Variants in FLNC observed in about 807,000 individuals in gnomAD.
The protein encoded by FLNC is filamin-C.
FLNC carries 91 observed loss-of-function variants against 254.3 expected under a neutral mutation model. The ratio of observed to expected loss-of-function variants is 0.36; its 90% confidence interval spans 0.30 to 0.43. The LOEUF (loss-of-function observed/expected upper bound fraction) is 0.43. Ranked by LOEUF, FLNC falls within the 20% of genes least tolerant of loss-of-function variation. FLNC has a pLI of 1.00. For missense variants in FLNC, 2,853 were observed against 3,802.6 expected (o/e 0.75, Z 6.57); for synonymous variants, 1,430 against 1,577.2 (o/e 0.91, Z 2.21).
At chr7:128,855,451 G>A (rs1395666670) in intron 43 of FLNC, 137 bp downstream of exon 43, 6 of 701,826 alleles carry the variant, frequency 8.5e-6, no homozygotes, top group Admixed American at 4.1e-5. Context: ...CATAAGGCAC[G>A]AGGCAGGGCC....
In FLNC at chr7:128,849,511, C is replaced by T. The variant is rs748879903; in HGVS notation, c.5132C>T (p.Pro1711Leu). 60 of 1,614,078 alleles carry T rather than the reference C, an allele frequency of 3.7e-5. No homozygotes were observed. Among genetic ancestry groups the T allele is most frequent in the East Asian group, 6.7e-5 (3 of 44,898 alleles). Residue 1711 changes from proline to leucine, a missense_variant, in exon 30 of 48, where the codon CCG (proline) becomes CTG (leucine). Pro to Leu is a moderately conservative substitution (Grantham distance 98, BLOSUM62 -3). Transcript: ENST00000325888. ...TFDIYYTAPEPGKYVITIRFG... is the reference protein window; with the variant it reads ...TFDIYYTAPELGKYVITIRFG... Reference sequence around the variant, plus strand: ...GACATCTACTACACAGCGCCCGAGCCGGGCAAGTACGTCATCACCATCCGC... The same window carrying T: ...GACATCTACTACACAGCGCCCGAGCTGGGCAAGTACGTCATCACCATCCGC...
At chr7:128,831,814 G>A (rs1165917560) in intron 1 of FLNC, among the ~76,000 whole-genome samples, 1 of 152,050 alleles carries the variant, frequency 6.6e-6, no homozygotes, top group Non-Finnish European at 1.5e-5. Context: ...CAGGGTGGGG[G>A]CGGGGAGGCA....
At position 128,844,687 on chromosome 7, in the gene FLNC, TG is replaced by T; in HGVS notation, c.3224del (p.Gly1075AspfsTer3). 1 of 1,612,802 alleles carries T rather than the reference TG, an allele frequency of 6.2e-7. No homozygotes were observed. The highest frequency in any genetic ancestry group is 2.2e-5 in the East Asian group (1 of 44,866). ...GTGCTTATGGCCCGGGTCTCAAGGGTGGACTGGTAGGCACCCCCGCGCCATT... is the reference window on the plus strand; with the variant it reads ...GTGCTTATGGCCCGGGTCTCAAGGGTGACTGGTAGGCACCCCCGCGCCATT... The part of the protein sequence containing the change: ...VCAYGPGLKG[G>X]LVGTPAPFSI... On this transcript the variant is annotated frameshift_variant, in exon 21 of 48. Transcript: ENST00000325888. LOFTEE classifies it high-confidence loss of function.
Position 128,830,869 on chromosome 7 carries a change from A to C in FLNC, c.232A>C (p.Ser78Arg), listed in dbSNP as rs746082496. 1.2e-6 allele frequency: 2 copies of C among 1,613,056 alleles called. No individual in the cohort carries two copies. Among genetic ancestry groups the C allele is most frequent in the African/African-American group, 1.3e-5 (1 of 74,928 alleles). Residue 78 changes from serine (S) to arginine (R), a missense_variant, in exon 1 of 48, where the codon AGC (serine) becomes CGC (arginine). Ser to Arg is a moderately radical substitution (Grantham distance 110). Coordinates refer to ENST00000325888, the MANE Select transcript of FLNC (RefSeq NM_001458.5). ...LRLIALLEVL[S>R]QKRMYRKFHP... ...GCTCATCGCGCTGCTCGAGGTGCTC[A>C]GCCAGAAGCGCATGTACCGCAAGTT...
chr7:128,844,582 T>G, intron 20 of FLNC, 76 bp from the exon 21 acceptor site: 5 of 1,319,902 alleles, frequency 3.8e-6, no homozygotes, highest in Non-Finnish European at 4.3e-6. Flanking sequence ...TTGGAGGTGA[T>G]GAGTTGGGTG....
In FLNC at chr7:128,854,475, G is replaced by GCAGAGA; in HGVS notation, c.6791_6796dup (p.Glu2265_Ile2266insThrGlu). Reference sequence around the variant, plus strand: ...CAGCCCATCGGGCAAGGTGGAAGCCGCAGAGATCGTCGAGGGCGAGGACAG... The same window carrying GCAGAGA: ...CAGCCCATCGGGCAAGGTGGAAGCCGCAGAGACAGAGATCGTCGAGGGCGAGGACAG... On this transcript the variant is annotated inframe_insertion, in exon 41 of 48. Transcript: ENST00000325888. 1 of 1,608,330 alleles carries GCAGAGA rather than the reference G, an allele frequency of 6.2e-7. No homozygotes were observed. The highest frequency in any genetic ancestry group is 8.5e-7 in the Non-Finnish European group (1 of 1,177,826).
chr7:128,853,387 G>A, intron 37 of FLNC, 82 bp from the exon 38 acceptor site: 1 of 1,557,666 alleles, frequency 6.4e-7, no homozygotes, highest in Non-Finnish European at 8.8e-7. Flanking sequence ...ATTCTGGGTG[G>A]AGCCTGCAGT....
At chr7:128,852,779 C>T in intron 36 of FLNC, 27 bp downstream of exon 36, 1 of 1,613,478 alleles carries the variant, frequency 6.2e-7, no homozygotes, top group South Asian at 1.1e-5. Context: ...ACGGGGACCT[C>T]AGGGGTGGGG....
chr7:128,843,604 G>A (rs779309552), intron 18 of FLNC, 27 bp downstream of exon 18: 126 of 1,612,564 alleles, frequency 7.8e-5, no homozygotes, highest in African/African-American at 2.0e-4. Flanking sequence ...CCATGCTACC[G>A]CCCGGCCGGC....
In FLNC at chr7:128,849,956, C is replaced by T. The variant is rs768051050; in HGVS notation, c.5200-20C>T. 5 of 1,546,114 alleles carry T rather than the reference C, an allele frequency of 3.2e-6. No homozygotes were observed. The highest frequency in any genetic ancestry group is 1.7e-5 in the Admixed American group (1 of 57,192). On this transcript the variant is annotated intron_variant, in intron 30 of 47. Coordinates refer to ENST00000325888, the MANE Select transcript of FLNC (RefSeq NM_001458.5). ...CTGTGAGGCTGCCACACCCTGTGCC[C>T]CCGTGCCTTGCCTCCCCAGGCGTGT...
At position 128,849,509 on chromosome 7, in the gene FLNC, G is replaced by C; in HGVS notation, c.5130G>C (p.Glu1710Asp). ...TTGACATCTACTACACAGCGCCCGA[G>C]CCGGGCAAGTACGTCATCACCATCC... ...GTFDIYYTAPEPGKYVITIRF... is the reference protein window; with the variant it reads ...GTFDIYYTAPDPGKYVITIRF... Residue 1710 changes from glutamate (E) to aspartate (D), a missense_variant, in exon 30 of 48, where the codon GAG (glutamate) becomes GAC (aspartate). Transcript: ENST00000325888. 6.2e-7 allele frequency: 1 copy of C among 1,614,220 alleles called. No homozygotes were observed. Among genetic ancestry groups the C allele is most frequent in the Non-Finnish European group, 8.5e-7 (1 of 1,180,032 alleles).
chr7:128,832,140 T>C (rs1020959581), intron 1 of FLNC, among the ~76,000 whole-genome samples: 1 of 152,138 alleles, frequency 6.6e-6, no homozygotes, highest in African/African-American at 2.4e-5. Flanking sequence ...CCTCCTGATA[T>C]AGCAGCTGAG....
Position 128,830,448 on chromosome 7 carries a change from C to T in FLNC, c.-190C>T. The T allele has an allele frequency of 1.6e-6, 1 of 606,784 alleles. No individual in the cohort carries two copies. Among genetic ancestry groups the T allele is most frequent in the Non-Finnish European group, 2.9e-6 (1 of 344,200 alleles). The allele number at this position is 606,784 out of a possible 1,614,324, so 37.6% of individuals were successfully genotyped here. Reference sequence around the variant, plus strand: ...CTCCGGCCCTGGAGGGAGAGAGAGCCAGAGAGCGGCCGAGCGCCTAGGAGG... The same window carrying T: ...CTCCGGCCCTGGAGGGAGAGAGAGCTAGAGAGCGGCCGAGCGCCTAGGAGG... On this transcript the variant is annotated 5_prime_UTR_variant, in exon 1 of 48. Coordinates refer to ENST00000325888, the MANE Select transcript of FLNC (RefSeq NM_001458.5).
Position 128,856,366 on chromosome 7 carries a change from C to T in FLNC, c.7252-152C>T. Reference sequence around the variant, plus strand: ...ATACCGGACCCTGGCTCCTCCTGCTCCCAGGCTGGGCTGGCAGGCAGGGGC... The same window carrying T: ...ATACCGGACCCTGGCTCCTCCTGCTTCCAGGCTGGGCTGGCAGGCAGGGGC... On this transcript the variant is annotated intron_variant, in intron 43 of 47. Coordinates refer to ENST00000325888, the MANE Select transcript of FLNC (RefSeq NM_001458.5). This position sits in a 1 kb window ranked among gnomAD's most constrained non-coding sequence, Gnocchi z 5.9. 1.1e-6 allele frequency: 1 copy of T among 950,036 alleles called. No homozygotes were observed. The highest frequency in any genetic ancestry group is 1.4e-5 in the South Asian group (1 of 70,626). 58.9% of individuals were successfully genotyped at this position (950,036 alleles called of 1,614,324 possible).
chr7:128,832,498 GAAA>G (rs1807933117), intron 1 of FLNC, among the ~76,000 whole-genome samples: 1 of 152,202 alleles, frequency 6.6e-6, no homozygotes, highest in Admixed American at 6.5e-5. Flanking sequence ...AGACATATAG[GAAA>G]CCGCTCAGCC....
At chr7:128,843,707 GGATCT>G in intron 18 of FLNC, 84 bp from the exon 19 acceptor site, 5 of 1,494,694 alleles carry the variant, frequency 3.3e-6, no homozygotes, top group Non-Finnish European at 4.7e-6. Context: ...CTCTCATGGT[GGATCT>G]GAGCTTCAGA....
At position 128,840,589 on chromosome 7, in the gene FLNC, G is replaced by C; in HGVS notation, c.1591G>C (p.Gly531Arg). 1.2e-6 allele frequency: 2 copies of C among 1,614,226 alleles called. No homozygotes were observed. Among genetic ancestry groups the C allele is most frequent in the South Asian group, 2.2e-5 (2 of 91,092 alleles). ...EPVKVREAGD[G>R]VFECEYYPVV... Reference sequence around the variant, plus strand: ...AGTGAAGGTGCGGGAGGCTGGGGATGGTGTGTTCGAGTGCGAGTACTACCC... The same window carrying C: ...AGTGAAGGTGCGGGAGGCTGGGGATCGTGTGTTCGAGTGCGAGTACTACCC... Residue 531 changes from glycine (G) to arginine (R), a missense_variant, in exon 10 of 48, where the codon GGT (glycine) becomes CGT (arginine). Physicochemically the swap from Gly to Arg is moderately radical, Grantham distance 125 (BLOSUM62 -2). Around this residue, in one of 10 missense-constraint regions of FLNC, gnomAD observed 1,573 missense variants for 1,883.5 expected, o/e 0.84. Coordinates refer to ENST00000325888, the MANE Select transcript of FLNC (RefSeq NM_001458.5).
At chr7:128,840,722 G>A in intron 10 of FLNC, 48 bp downstream of exon 10, 1 of 1,614,120 alleles carries the variant, frequency 6.2e-7, no homozygotes, top group Admixed American at 1.7e-5. Context: ...CCATCACAGG[G>A]AGGGACGAGG....
chr7:128,831,937 C>T (rs1034007124), intron 1 of FLNC, among the ~76,000 whole-genome samples: 1 of 152,072 alleles, frequency 6.6e-6, no homozygotes, highest in East Asian at 1.9e-4. Flanking sequence ...AAGATCCCCC[C>T]GCCCACCCCT....
Sources: gnomAD v4.1 joint callset for allele counts (sites outside exome capture counted in the v4.1 genomes callset) on GRCh38, gnomAD v4.1.1 for gene constraint, gnomAD v4.1.1 regional missense constraint, Gnocchi (gnomAD v3.1) non-coding constraint, MANE v1.5 for transcripts, NCBI Gene and HGNC (gene_info 2026-07-23, HGNC 2026-07-21) for gene names.